PUS7L: variants seen among roughly 807,000 people sequenced by gnomAD.
PUS7L encodes the protein pseudouridine synthase 7 like.
Under a neutral mutation model 51.1 loss-of-function variants are expected in PUS7L, and 49 were observed. The observed-to-expected ratio is 0.96, with a 90% CI of 0.76 to 1.22. The LOEUF is 1.22. PUS7L is among the 50% of genes most tolerant of loss of function. PUS7L has a pLI of 0.00. For synonymous variants in PUS7L, 277 were observed against 276.2 expected (o/e 1.00, Z -0.03); for missense variants, 828 against 820.6 (o/e 1.01, Z -0.11).
In PUS7L at chr12:43,723,864, T is replaced by C. The variant is rs900370643; in HGVS notation, c.*6512A>G. ...TTTAAACTAGTTATCCTAGCTGCCA[T>C]TGGTGCCATTAAAATCTCTCTCTCT... On this transcript the variant is annotated 3_prime_UTR_variant, in exon 9 of 9. Transcript: ENST00000344862. 9.2e-5 allele frequency: 14 copies of C among 152,096 alleles called. No individual in the cohort carries two copies. The highest frequency in any genetic ancestry group is 3.9e-4 in the Admixed American group (6 of 15,274). The allele number at this position is 152,096 out of a possible 1,614,324, so 9.4% of individuals were successfully genotyped here. A position where few individuals can be genotyped will look rare whatever the true frequency, so the allele number is the denominator to read the frequency against.
intron 2 of PUS7L, among the ~76,000 whole-genome samples, chr12:43,753,586 C>T (rs1303623047): frequency 1.3e-5 from 2 of 152,058 alleles, no homozygotes; most frequent in African/African-American, 4.8e-5. Flanking sequence ...GAAACAGTTC[C>T]CATCCTTCAA....
chr12:43,735,082 G>A (rs1433886067), intron 7 of PUS7L, among the ~76,000 whole-genome samples: 1 of 152,094 alleles, frequency 6.6e-6, no homozygotes. Flanking sequence ...TTGGGAGGCC[G>A]AGGCGGGTGG....
intron 4 of PUS7L, among the ~76,000 whole-genome samples, chr12:43,743,434 CA>C (rs1425397668): frequency 1.3e-5 from 2 of 152,182 alleles, no homozygotes; most frequent in Non-Finnish European, 2.9e-5. Flanking sequence ...CAGCATGGTA[CA>C]AAAGCAATTG....
intron 3 of PUS7L, among the ~76,000 whole-genome samples, chr12:43,747,739 T>C (rs1938239785): frequency 6.6e-6 from 1 of 152,200 alleles, no homozygotes; most frequent in African/African-American, 2.4e-5. Context: ...TGATGTAGTC[T>C]CTGAAAAAGG....
intron 5 of PUS7L, 55 bp downstream of exon 5, chr12:43,742,402 T>C (rs2137705212): frequency 8.2e-7 from 1 of 1,221,164 alleles, no homozygotes; most frequent in African/African-American, 1.5e-5. Flanking sequence ...AGCTGGGTTA[T>C]GTAGTAAGTA....
chr12:43,748,523 T>C lies in PUS7L; in HGVS notation c.997A>G (p.Ser333Gly), dbSNP rs1277133687. ...TTCTTGTCTTTAAGGCCTGCATAAC[T>C]AAAATCCGAAGGAATAACACCAAGT... ...IKLGVIPSDFSYAGLKDKKAI... is the reference protein window; with the variant it reads ...IKLGVIPSDFGYAGLKDKKAI... Residue 333 changes from serine (S) to glycine (G), a missense_variant, in exon 3 of 9, where the codon AGT becomes GGT. Coordinates refer to ENST00000344862, the MANE Select transcript of PUS7L (RefSeq NM_031292.5). 1.2e-6 allele frequency: 2 copies of C among 1,611,708 alleles called. No homozygotes were observed. The highest frequency in any genetic ancestry group is 1.7e-6 in the Non-Finnish European group (2 of 1,179,332).
chr12:43,757,594 T>C (rs975562015), intron 1 of PUS7L, among the ~76,000 whole-genome samples: 3 of 152,238 alleles, frequency 2.0e-5, no homozygotes, highest in African/African-American at 7.2e-5. Flanking sequence ...GGAGTAACCT[T>C]GTCTGCCTTA....
Position 43,742,673 on chromosome 12 carries a change from T to C in PUS7L, c.1264-118A>G, listed in dbSNP as rs187786253. ...AACAGAATAACTCTGTAATCAGCAG[T>C]ATACACATAGGGACCAAATGGTCTG... is the stretch of plus-strand genomic sequence containing the variant. On this transcript the variant is annotated intron_variant, in intron 4 of 8. Transcript: ENST00000344862. 6.2e-4 allele frequency: 854 copies of C among 1,375,084 alleles called. 3 individuals are homozygous for C. The highest frequency in any genetic ancestry group is 5.4e-3 in the Middle Eastern group (22 of 4,084). 85.2% of individuals were successfully genotyped at this position (1,375,084 alleles called of 1,614,324 possible). A position where few individuals can be genotyped will look rare whatever the true frequency, so the allele number is the denominator to read the frequency against.
At chr12:43,743,092 C>T (rs1937986300) in intron 4 of PUS7L, among the ~76,000 whole-genome samples, 1 of 152,136 alleles carries the variant, frequency 6.6e-6, no homozygotes, top group East Asian at 1.9e-4. Context: ...TCTACCGGTC[C>T]AGCTATTCCA....
chr12:43,723,921 C>G lies in PUS7L; in HGVS notation c.*6455G>C, dbSNP rs1354042212. The G allele has an allele frequency of 1.3e-5, 2 of 152,078 alleles. No homozygotes were observed. The highest frequency in any genetic ancestry group is 2.9e-5 in the Non-Finnish European group (2 of 67,944). The allele number at this position is 152,078 out of a possible 1,614,324, so 9.4% of individuals were successfully genotyped here. A position where few individuals can be genotyped will look rare whatever the true frequency, so the allele number is the denominator to read the frequency against. Reference sequence around the variant, plus strand: ...GTTGTCATGAGCCACCAAAACCATTCTGAACAAATGCAATCATAACCCATT... The same window carrying G: ...GTTGTCATGAGCCACCAAAACCATTGTGAACAAATGCAATCATAACCCATT... On this transcript the variant is annotated 3_prime_UTR_variant, in exon 9 of 9. Coordinates refer to ENST00000344862, the MANE Select transcript of PUS7L (RefSeq NM_031292.5).
In PUS7L at chr12:43,741,074, C is replaced by G. The variant is rs543721811; in HGVS notation, c.1362+1383G>C. The G allele has an allele frequency of 2.6e-5, 4 of 152,212 alleles. No homozygotes were observed. The South Asian group carries it at 8.3e-4, about 32-fold the overall frequency. 9.4% of individuals were successfully genotyped at this position (152,212 alleles called of 1,614,324 possible). On this transcript the variant is annotated intron_variant, in intron 5 of 8. Coordinates refer to ENST00000344862, the MANE Select transcript of PUS7L (RefSeq NM_031292.5). Reference sequence around the variant, plus strand: ...AAATGCTTGTTGTCTTCAACCACCACGTTTTGGGGTAATTTGTTACACAGC... The same window carrying G: ...AAATGCTTGTTGTCTTCAACCACCAGGTTTTGGGGTAATTTGTTACACAGC...
chr12:43,748,661 A>G, intron 2 of PUS7L, 52 bp from the exon 3 acceptor site: 11 of 1,352,920 alleles, frequency 8.1e-6, no homozygotes, highest in African/African-American at 1.5e-5. Context: ...CCATACATCA[A>G]TTACATTCTT....
intron 4 of PUS7L, among the ~76,000 whole-genome samples, 154 bp downstream of exon 4, chr12:43,745,892 A>G (rs1938143749): frequency 6.6e-6 from 1 of 152,186 alleles, no homozygotes; most frequent in African/African-American, 2.4e-5. Context: ...ATATAAGCCA[A>G]ATGGCCCTAA....
intron 2 of PUS7L, among the ~76,000 whole-genome samples, chr12:43,750,476 T>C (rs1938391351): frequency 6.6e-6 from 1 of 152,240 alleles, no homozygotes; most frequent in African/African-American, 2.4e-5. Context: ...TAAGGGTCAC[T>C]AAATTTATAA....
At chr12:43,745,113 C>T (rs1198378341) in intron 4 of PUS7L, among the ~76,000 whole-genome samples, 1 of 137,836 alleles carries the variant, frequency 7.3e-6, no homozygotes, top group African/African-American at 3.0e-5. Flanking sequence ...GCAAGAGGAA[C>T]CATATGTCTA....
In PUS7L at chr12:43,742,443, T is replaced by C; in HGVS notation, c.1362+14A>G. 1 of 1,571,120 alleles carries C rather than the reference T, an allele frequency of 6.4e-7. No homozygotes were observed. Among genetic ancestry groups the C allele is most frequent in the African/African-American group, 1.4e-5 (1 of 73,532 alleles). On this transcript the variant is annotated intron_variant, in intron 5 of 8. Transcript: ENST00000344862. ...GACAGAAACAGATAAGATTACATTT[T>C]TCAAAATCCATACCATTTCATTCTT...
At position 43,720,962 on chromosome 12, in the gene PUS7L, C is replaced by T. The variant is rs140388871; in HGVS notation, c.*9414G>A. On this transcript the variant is annotated 3_prime_UTR_variant, in exon 9 of 9. Coordinates refer to ENST00000344862, the MANE Select transcript of PUS7L (RefSeq NM_031292.5). ...AAATGAAAATAATAACAGTACTTAT[C>T]CCACATGTAAGTACTTGTTGATAAA... 7.9e-5 allele frequency: 12 copies of T among 152,262 alleles called. No homozygotes were observed. The highest frequency in any genetic ancestry group is 9.6e-5 in the African/African-American group (4 of 41,552). The allele number at this position is 152,262 out of a possible 1,614,324, so 9.4% of individuals were successfully genotyped here.
In PUS7L at chr12:43,726,916, T is replaced by A. The variant is rs185567604; in HGVS notation, c.*3460A>T. On this transcript the variant is annotated 3_prime_UTR_variant, in exon 9 of 9. Transcript: ENST00000344862. ...AACTATCAACAGAGTAAACTGACAATCTACAGAATGGGAGAGAATATTTTC... is the reference window on the plus strand; with the variant it reads ...AACTATCAACAGAGTAAACTGACAAACTACAGAATGGGAGAGAATATTTTC... The A allele has an allele frequency of 6.6e-6, 1 of 151,638 alleles. No homozygotes were observed. Among genetic ancestry groups the A allele is most frequent in the East Asian group, 1.9e-4 (1 of 5,148 alleles). 9.4% of individuals were successfully genotyped at this position (151,638 alleles called of 1,614,324 possible). A position where few individuals can be genotyped will look rare whatever the true frequency, so the allele number is the denominator to read the frequency against.
At chr12:43,736,251 G>C (rs376966648) in intron 7 of PUS7L, 130 bp downstream of exon 7, 3 of 782,392 alleles carry the variant, frequency 3.8e-6, no homozygotes, top group Non-Finnish European at 4.0e-6. Flanking sequence ...CAGGAGATGA[G>C]TAAATATAAG....
Sources: allele counts gnomAD v4.1 joint callset (sites outside exome capture counted in the v4.1 genomes callset), GRCh38; gene constraint gnomAD v4.1.1; transcripts MANE v1.5; gene names NCBI Gene and HGNC (gene_info 2026-07-23, HGNC 2026-07-21).